POC1A: variants seen among roughly 807,000 people sequenced by gnomAD.
POC1A encodes the protein POC1 centriolar protein homolog A.
A neutral mutation model predicts 47.8 loss-of-function variants in POC1A; 34 were observed. That is an observed-to-expected ratio of 0.71 (90% CI 0.54 to 0.95). The LOEUF (loss-of-function observed/expected upper bound fraction) is 0.95, where lower values mean the gene tolerates loss of function less well. Ranked by LOEUF, POC1A falls within the 40% of genes least tolerant of loss-of-function variation. The pLI is 0.00. For synonymous variants in POC1A, 177 were observed against 207.6 expected, an observed-to-expected ratio of 0.85 and a Z score of 1.27; for missense variants, 466 against 528.3, an observed-to-expected ratio of 0.88 and a Z score of 1.16.
chr3:52,095,371 G>A (rs974349849), intron 10 of POC1A, among the ~76,000 whole-genome samples: 1 of 152,142 alleles, frequency 6.6e-6, no homozygotes, highest in African/African-American at 2.4e-5. Context: ...GGGCTATGAT[G>A]ACACACCCTG....
chr3:52,075,862 G>A lies in POC1A; in HGVS notation c.*25C>T, dbSNP rs748940444. 16 of 1,562,960 alleles carry A rather than the reference G, an allele frequency of 1.0e-5. No individual in the cohort carries two copies. Among genetic ancestry groups the A allele is most frequent in the Admixed American group, 3.3e-5 (2 of 59,904 alleles). On this transcript the variant is annotated 3_prime_UTR_variant, in exon 11 of 11. Coordinates refer to ENST00000296484, the MANE Select transcript of POC1A (RefSeq NM_015426.5). ...CTGGCCTGCCACCTGCAAATCCACC[G>A]AGCTCCTGATTCCTGCTCCCCTGAT...
At position 52,075,812 on chromosome 3, in the gene POC1A, T is replaced by C; in HGVS notation, c.*75A>G. ...CCCACAGAGTTCAGTCCCCTTTATT[T>C]ACCCAAGTCCCATGGTACAAATCCC... On this transcript the variant is annotated 3_prime_UTR_variant, in exon 11 of 11. Coordinates refer to ENST00000296484, the MANE Select transcript of POC1A (RefSeq NM_015426.5). The C allele has an allele frequency of 9.2e-7, 1 of 1,092,424 alleles. No individual in the cohort carries two copies. The highest frequency in any genetic ancestry group is 1.2e-5 in the South Asian group (1 of 80,312). 67.7% of individuals were successfully genotyped at this position (1,092,424 alleles called of 1,614,324 possible). A position where few individuals can be genotyped will look rare whatever the true frequency, so the allele number is the denominator to read the frequency against.
chr3:52,133,088 A>G (rs1275509373), intron 7 of POC1A, among the ~76,000 whole-genome samples: 2 of 151,916 alleles, frequency 1.3e-5, no homozygotes, highest in African/African-American at 4.8e-5. Context: ...CCAAGGTAAC[A>G]GTGTTGGGAG....
chr3:52,101,084 C>G (rs1440827714), intron 9 of POC1A, among the ~76,000 whole-genome samples: 1 of 146,362 alleles, frequency 6.8e-6, no homozygotes, highest in Non-Finnish European at 1.5e-5. Flanking sequence ...CCACCCCAAC[C>G]CTCAGCAAAA....
chr3:52,143,124 C>CA (rs1240423314), intron 6 of POC1A, among the ~76,000 whole-genome samples: 22 of 151,550 alleles, frequency 1.5e-4, no homozygotes, highest in African/African-American at 5.1e-4. Context: ...CTCCAATCTA[C>CA]ACTAGGGGTG....
chr3:52,089,123 C>G (rs1381612474), intron 10 of POC1A, among the ~76,000 whole-genome samples: 1 of 151,950 alleles, frequency 6.6e-6, no homozygotes, highest in African/African-American at 2.4e-5. Context: ...CCCCTGCAAA[C>G]ACGAGCTTGC....
chr3:52,149,349 C>A lies in POC1A; in HGVS notation c.316G>T (p.Val106Leu). 2 of 1,614,202 alleles carry A rather than the reference C, an allele frequency of 1.2e-6. No homozygotes were observed. Among genetic ancestry groups the A allele is most frequent in the Non-Finnish European group, 1.7e-6 (2 of 1,180,036 alleles). The change falls in exon 4 of 11, where the codon GTG (valine) becomes TTG (leucine). Residue 106 changes from valine to leucine, a missense_variant. Val to Leu is a conservative substitution (Grantham distance 32). Coordinates refer to ENST00000296484, the MANE Select transcript of POC1A (RefSeq NM_015426.5). ...STVFRAHTAT[V>L]RSVHFCSDGQ... The stretch of plus-strand genomic sequence containing the variant: ...TCACTGCAGAAGTGGACACTCCTCA[C>A]TGTGGCTGTGTGTGCACGAAACACA...
chr3:52,104,719 G>A (rs1703113769), intron 9 of POC1A, among the ~76,000 whole-genome samples: 1 of 152,212 alleles, frequency 6.6e-6, no homozygotes, highest in African/African-American at 2.4e-5. Context: ...CAAAGCCAGA[G>A]TCATAACTCA....
At chr3:52,082,443 C>G (rs906405262) in intron 10 of POC1A, among the ~76,000 whole-genome samples, 8 of 152,170 alleles carry the variant, frequency 5.3e-5, no homozygotes, top group African/African-American at 1.9e-4. Flanking sequence ...AGTAGCTGGA[C>G]AGTGGATCTA....
At chr3:52,083,380 G>A (rs1004888032) in intron 10 of POC1A, among the ~76,000 whole-genome samples, 7 of 152,220 alleles carry the variant, frequency 4.6e-5, no homozygotes, top group Admixed American at 6.5e-5. Flanking sequence ...CTCACACCCC[G>A]TGGAGTGACG....
rs139112562 is a variant in POC1A, at chr3:52,103,448, C to T, written c.982-6736G>A. Among the ~76,000 whole-genome samples, 295 of 152,274 alleles carry T rather than the reference C, an allele frequency of 1.9e-3. 2 individuals carry two copies. The highest frequency in any genetic ancestry group is 6.6e-3 in the African/African-American group (274 of 41,558). On this transcript the variant is annotated intron_variant, in intron 9 of 10. Coordinates refer to ENST00000296484, the MANE Select transcript of POC1A (RefSeq NM_015426.5). The stretch of plus-strand genomic sequence containing the variant: ...GGCTAAGGCAGAAGAATCGCTTGAA[C>T]GTGGGAGGCAGAGGTTGTAGTGAGT...
intron 1 of POC1A, among the ~76,000 whole-genome samples, chr3:52,153,132 CT>C (rs1239989874): frequency 6.6e-6 from 1 of 152,180 alleles, no homozygotes; most frequent in Admixed American, 6.5e-5. Context: ...CTAAAAACTA[CT>C]GAAATGTACA....
chr3:52,075,793 G>T lies in POC1A; in HGVS notation c.*94C>A. ...CTCCAGTATGGATGTGATTCCCACA[G>T]AGTTCAGTCCCCTTTATTTACCCAA... On this transcript the variant is annotated 3_prime_UTR_variant, in exon 11 of 11. Transcript: ENST00000296484. 1 of 912,900 alleles carries T rather than the reference G, an allele frequency of 1.1e-6. No homozygotes were observed. Among genetic ancestry groups the T allele is most frequent in the Non-Finnish European group, 1.8e-6 (1 of 552,612 alleles). 56.5% of individuals were successfully genotyped at this position (912,900 alleles called of 1,614,324 possible).
At chr3:52,134,500 C>T (rs1039542965) in intron 7 of POC1A, among the ~76,000 whole-genome samples, 4 of 151,962 alleles carry the variant, frequency 2.6e-5, no homozygotes, top group Non-Finnish European at 5.9e-5. Flanking sequence ...GGTGTGGTGG[C>T]GGGTGCCTGT....
chr3:52,134,490 G>A (rs140655180), intron 7 of POC1A, among the ~76,000 whole-genome samples: 14,126 of 152,016 alleles, frequency 0.093, 1,320 homozygotes, highest in East Asian at 0.36. Context: ...AAATTAGCCG[G>A]GTGTGGTGGC....
intron 9 of POC1A, among the ~76,000 whole-genome samples, chr3:52,103,951 C>T (rs1206360505): frequency 6.6e-6 from 1 of 152,180 alleles, no homozygotes; most frequent in Admixed American, 6.5e-5. Context: ...AAAAGCTAAA[C>T]ATACACCTAT....
chr3:52,125,614 G>A (rs1703968562), intron 7 of POC1A, among the ~76,000 whole-genome samples: 1 of 152,104 alleles, frequency 6.6e-6, no homozygotes, highest in Non-Finnish European at 1.5e-5. Context: ...CCCCAACACT[G>A]CACAGTTGCT....
intron 9 of POC1A, among the ~76,000 whole-genome samples, chr3:52,104,330 A>G (rs1703100136): frequency 6.6e-6 from 1 of 152,226 alleles, no homozygotes; most frequent in African/African-American, 2.4e-5. Flanking sequence ...TGGAGTGAGT[A>G]GACTGACTAC....
At chr3:52,139,276 C>T (rs950760002) in intron 6 of POC1A, among the ~76,000 whole-genome samples, 1 of 152,120 alleles carries the variant, frequency 6.6e-6, no homozygotes, top group Admixed American at 6.5e-5. Context: ...ATGGATGTTC[C>T]TCTCCTTTGC....
Sources: gnomAD v4.1 joint callset for allele counts (sites outside exome capture counted in the v4.1 genomes callset) on GRCh38, gnomAD v4.1.1 for gene constraint, MANE v1.5 for transcripts, NCBI Gene and HGNC (gene_info 2026-07-23, HGNC 2026-07-21) for gene names.